The following IL1R1 variants were observed in gnomAD, a reference collection of about 807,000 sequenced individuals.
IL1R1 encodes the protein interleukin 1 receptor type 1, also known as interleukin-1 receptor type 1.
IL1R1 carries 22 observed loss-of-function variants against 50.2 expected under a neutral mutation model. The observed-to-expected ratio is 0.44, with a 90% CI of 0.31 to 0.63. The LOEUF (loss-of-function observed/expected upper bound fraction) is 0.63. Ranked by LOEUF, IL1R1 falls within the 20% of genes least tolerant of loss-of-function variation. IL1R1 has a pLI of 0.07. For synonymous variants in IL1R1, 251 were observed against 236.7 expected, an observed-to-expected ratio of 1.06 and a Z score of -0.55; for missense variants, 509 against 676.2, an observed-to-expected ratio of 0.75 and a Z score of 2.74.
chr2:102,108,142 A>G (rs1264480459), intron 1 of IL1R1, among the ~76,000 whole-genome samples: 1 of 152,084 alleles, frequency 6.6e-6, no homozygotes, highest in Non-Finnish European at 1.5e-5. Context: ...CTAACCTTCT[A>G]AAATATATAG....
At chr2:102,105,474 C>G (rs1680352172) in intron 1 of IL1R1, among the ~76,000 whole-genome samples, 1 of 152,208 alleles carries the variant, frequency 6.6e-6, no homozygotes, top group Non-Finnish European at 1.5e-5. Flanking sequence ...AAGCGATTCT[C>G]CTGCCTCAGC....
At chr2:102,083,566 C>T (rs930724095) in intron 1 of IL1R1, among the ~76,000 whole-genome samples, 2 of 152,122 alleles carry the variant, frequency 1.3e-5, no homozygotes, top group African/African-American at 4.8e-5. Flanking sequence ...CACCTGATGA[C>T]ACACTTAGGA....
At chr2:102,112,145 C>G (rs1253051439) in intron 1 of IL1R1, among the ~76,000 whole-genome samples, 1 of 151,898 alleles carries the variant, frequency 6.6e-6, no homozygotes, top group Non-Finnish European at 1.5e-5. Context: ...GGGGTGGGCT[C>G]TCTACCAGTC....
chr2:102,098,481 T>A (rs1397675148), intron 1 of IL1R1, among the ~76,000 whole-genome samples: 3 of 152,176 alleles, frequency 2.0e-5, no homozygotes, highest in Admixed American at 2.0e-4. Context: ...ATATGACCTG[T>A]CCACATGGTA....
intron 9 of IL1R1, 32 bp from the exon 10 acceptor site, chr2:102,174,554 AT>A: frequency 1.3e-6 from 2 of 1,514,648 alleles, no homozygotes; most frequent in Non-Finnish European, 1.8e-6. Flanking sequence ...TGGTTCTAAT[AT>A]TTTTTCTCCT....
intron 9 of IL1R1, among the ~76,000 whole-genome samples, chr2:102,173,597 A>T (rs1403859992): frequency 6.6e-6 from 1 of 152,244 alleles, no homozygotes; most frequent in Non-Finnish European, 1.5e-5. Context: ...TAAATTAGAG[A>T]AGAACTAAAT....
At chr2:102,106,373 G>C (rs1285560086) in intron 1 of IL1R1, among the ~76,000 whole-genome samples, 1 of 152,144 alleles carries the variant, frequency 6.6e-6, no homozygotes, top group Non-Finnish European at 1.5e-5. Flanking sequence ...AGATGAATTT[G>C]ATCTGCCTAA....
chr2:102,138,030 T>C (rs1682439528), upstream of IL1R1, among the ~76,000 whole-genome samples: 1 of 152,028 alleles, frequency 6.6e-6, no homozygotes. Context: ...TAAGAATAAG[T>C]TTAAAAAGGG....
At chr2:102,169,196 G>A (rs1476110211) in intron 7 of IL1R1, among the ~76,000 whole-genome samples, 1 of 152,182 alleles carries the variant, frequency 6.6e-6, no homozygotes, top group Non-Finnish European at 1.5e-5. Flanking sequence ...GCTTTGAGTC[G>A]GAAGAGTAAG....
At chr2:102,098,011 A>G (rs1219291353) in intron 1 of IL1R1, among the ~76,000 whole-genome samples, 2 of 152,106 alleles carry the variant, frequency 1.3e-5, no homozygotes, top group South Asian at 2.1e-4. Flanking sequence ...ACAAATCTTA[A>G]AATGAAATAA....
At chr2:102,166,363 T>C in intron 6 of IL1R1, 82 bp downstream of exon 6, 2 of 1,091,334 alleles carry the variant, frequency 1.8e-6, no homozygotes, top group Middle Eastern at 2.1e-4. Context: ...TCATTATCCA[T>C]GAAGAAACCA....
intron 1 of IL1R1, among the ~76,000 whole-genome samples, chr2:102,120,903 A>G (rs1285920266): frequency 6.6e-6 from 1 of 152,216 alleles, no homozygotes; most frequent in African/African-American, 2.4e-5. Flanking sequence ...GAGTTCCGGC[A>G]CATGTGGTCC....
intron 3 of IL1R1, among the ~76,000 whole-genome samples, chr2:102,161,668 A>G (rs1180795543): frequency 6.6e-6 from 1 of 151,988 alleles, no homozygotes; most frequent in African/African-American, 2.4e-5. Context: ...TTGATTAATG[A>G]CTTCTTTATT....
intron 1 of IL1R1, among the ~76,000 whole-genome samples, chr2:102,113,932 G>C (rs1312964386): frequency 6.6e-6 from 1 of 152,198 alleles, no homozygotes; most frequent in East Asian, 1.9e-4. Context: ...GTCAGAATTT[G>C]AACATGGGTC....
At chr2:102,084,446 T>A (rs1679352552) in intron 1 of IL1R1, among the ~76,000 whole-genome samples, 2 of 152,136 alleles carry the variant, frequency 1.3e-5, no homozygotes, top group South Asian at 4.1e-4. Context: ...GGTTGAGAAA[T>A]TATCCCCAAA....
chr2:102,081,926 T>C (rs1679225848), intron 1 of IL1R1, among the ~76,000 whole-genome samples: 1 of 152,246 alleles, frequency 6.6e-6, no homozygotes, highest in Non-Finnish European at 1.5e-5. Flanking sequence ...GCAGTTCTAC[T>C]TTTAAAGAAG....
chr2:102,104,708 A>G (rs1680306162), exon 1 of IL1R1: 1 of 152,026 alleles, frequency 6.6e-6, no homozygotes, highest in Non-Finnish European at 1.5e-5. Flanking sequence ...TGAATTAACA[A>G]CTCTAGCTAG....
chr2:102,097,905 C>G (rs1679973969), intron 1 of IL1R1, among the ~76,000 whole-genome samples: 1 of 151,824 alleles, frequency 6.6e-6, no homozygotes, highest in East Asian at 1.9e-4. Flanking sequence ...TTAAAAGAAA[C>G]ACATTCTAAT....
At chr2:102,132,971 G>A (rs963548341) in intron 1 of IL1R1, among the ~76,000 whole-genome samples, 9 of 143,120 alleles carry the variant, frequency 6.3e-5, no homozygotes, top group South Asian at 2.3e-4. Context: ...CCCACAAGGC[G>A]CAGTGGCTCA....
Sources: allele counts gnomAD v4.1 joint callset (sites outside exome capture counted in the v4.1 genomes callset), GRCh38; gene constraint gnomAD v4.1.1; transcripts MANE v1.5; gene names NCBI Gene and HGNC (gene_info 2026-07-23, HGNC 2026-07-21).